KCNQ5: variants seen among roughly 807,000 people sequenced by gnomAD.
KCNQ5 encodes potassium voltage-gated channel subfamily Q member 5, also known as potassium voltage-gated channel subfamily KQT member 5.
In KCNQ5, 30 loss-of-function variants were observed where a neutral mutation model predicts 98.2. The ratio of observed to expected loss-of-function variants is 0.31; its 90% CI spans 0.23 to 0.41. KCNQ5 has a LOEUF of 0.41. Among genes scored for constraint, KCNQ5 ranks in the 10% least tolerant of loss-of-function variants. The pLI, the probability that KCNQ5 is intolerant of heterozygous loss-of-function variation, is 1.00. For missense variants in KCNQ5, 835 were observed against 1,182.5 expected (o/e 0.71, Z 4.31); for synonymous variants, 458 against 449.4 (o/e 1.02, Z -0.24).
rs1388273249 is a variant in KCNQ5 at position 73,120,813 on chromosome 6, A to G, written c.1220+236A>G. Among the ~76,000 whole-genome samples, 9 of 152,338 alleles carry G rather than the reference A, an allele frequency of 5.9e-5. No homozygotes were observed. In the South Asian group the frequency reaches 1.0e-3, roughly 18 times the overall value. On this transcript the variant is annotated intron_variant, in intron 8 of 13. Transcript: ENST00000370398. ...GATTAAAATAATGTAAATTTTATAG[A>G]GATTTATTTTTACTATTTCATGCTT... is the stretch of plus-strand genomic sequence containing the variant.
chr6:72,899,055 C>T (rs1011118026), intron 1 of KCNQ5, among the ~76,000 whole-genome samples: 1 of 151,912 alleles, frequency 6.6e-6, no homozygotes, highest in African/African-American at 2.4e-5. Context: ...TGTTTAAGTT[C>T]CTTATAAATT....
intron 1 of KCNQ5, among the ~76,000 whole-genome samples, chr6:72,866,975 G>C (rs1778013375): frequency 6.6e-6 from 1 of 151,878 alleles, no homozygotes; most frequent in African/African-American, 2.4e-5. Flanking sequence ...TTTCTGTCAA[G>C]CCCTTATGAA....
At chr6:73,063,679 A>AGATG (rs1323083151) in intron 3 of KCNQ5, among the ~76,000 whole-genome samples, 1 of 70,022 alleles carries the variant, frequency 1.4e-5, no homozygotes, top group African/African-American at 4.0e-5. Flanking sequence ...ATAGATAGAT[A>AGATG]GATAGATGAT....
At chr6:73,003,152 G>A (rs115481201) in intron 1 of KCNQ5, among the ~76,000 whole-genome samples, 1 of 151,940 alleles carries the variant, frequency 6.6e-6, no homozygotes, top group Non-Finnish European at 1.5e-5. Flanking sequence ...TGGAAACTCA[G>A]CTCCCGCCTT....
chr6:72,785,029 A>G (rs555680683), intron 1 of KCNQ5, among the ~76,000 whole-genome samples: 1 of 152,378 alleles, frequency 6.6e-6, no homozygotes, highest in South Asian at 2.1e-4. Context: ...AGCCAGAGGC[A>G]GCAACATCAG....
chr6:72,790,887 A>G (rs1208360486), intron 1 of KCNQ5, among the ~76,000 whole-genome samples: 4 of 152,218 alleles, frequency 2.6e-5, no homozygotes, highest in African/African-American at 9.6e-5. Context: ...TGTTTATTCA[A>G]CAAAGGGTTT....
At chr6:73,147,262 C>A (rs1415890960) in intron 10 of KCNQ5, among the ~76,000 whole-genome samples, 3 of 151,910 alleles carry the variant, frequency 2.0e-5, no homozygotes, top group African/African-American at 7.3e-5. Context: ...AGAATAGGTG[C>A]TCAATATATT....
intron 1 of KCNQ5, among the ~76,000 whole-genome samples, chr6:72,885,979 C>T (rs1290512296): frequency 6.6e-6 from 1 of 152,050 alleles, no homozygotes; most frequent in Non-Finnish European, 1.5e-5. Flanking sequence ...TGTGTGTTCC[C>T]CCAAACCTAA....
chr6:73,103,755 CAA>C (rs57430661), intron 5 of KCNQ5, among the ~76,000 whole-genome samples: 33,685 of 151,614 alleles, frequency 0.22, 8,547 homozygotes, highest in African/African-American at 0.61. Context: ...TAATGGACAC[CAA>C]AAAAAAACCA....
At chr6:73,072,906 T>A (rs74814817) in intron 3 of KCNQ5, among the ~76,000 whole-genome samples, 6,923 of 152,178 alleles carry the variant, frequency 0.045, 190 homozygotes, top group East Asian at 0.11. Flanking sequence ...CTTTTTTTTT[T>A]ATTCATGTGA....
chr6:72,735,184 A>G (rs1420384021), intron 1 of KCNQ5, among the ~76,000 whole-genome samples: 2 of 152,228 alleles, frequency 1.3e-5, no homozygotes, highest in East Asian at 1.9e-4. Flanking sequence ...ATGACAATTG[A>G]TTATTATAAC....
intron 1 of KCNQ5, chr6:72,676,999 A>G (rs1476964326): frequency 6.6e-6 from 1 of 152,100 alleles, no homozygotes; most frequent in African/African-American, 2.4e-5. Flanking sequence ...TGTTTCTATA[A>G]CAAGTTTTGA....
At chr6:73,025,623 CAAAAAA>C (rs58607159) in intron 2 of KCNQ5, among the ~76,000 whole-genome samples, 46 of 52,998 alleles carry the variant, frequency 8.7e-4, no homozygotes, top group African/African-American at 1.7e-3. Context: ...AACTCCATCT[CAAAAAA>C]AAAAAAAAAA....
chr6:72,790,271 C>A (rs953519953), intron 1 of KCNQ5, among the ~76,000 whole-genome samples: 1 of 152,076 alleles, frequency 6.6e-6, no homozygotes, highest in Middle Eastern at 3.2e-3. Flanking sequence ...AATGATAAGG[C>A]CACTAAAGCC....
intron 1 of KCNQ5, among the ~76,000 whole-genome samples, chr6:72,623,770 A>G (rs1437866851): frequency 1.3e-5 from 2 of 152,234 alleles, no homozygotes; most frequent in Non-Finnish European, 2.9e-5. Context: ...ACTCGCTGAT[A>G]CATTCCTTGT....
At chr6:72,976,684 A>AACCCT (rs1361843158) in intron 1 of KCNQ5, among the ~76,000 whole-genome samples, 1 of 152,142 alleles carries the variant, frequency 6.6e-6, no homozygotes, top group Non-Finnish European at 1.5e-5. Context: ...ATGACTTGGA[A>AACCCT]ACCCTGCCTG....
chr6:72,930,444 A>G (rs933703363), intron 1 of KCNQ5, among the ~76,000 whole-genome samples: 5 of 152,082 alleles, frequency 3.3e-5, no homozygotes, highest in African/African-American at 1.2e-4. Context: ...TTTCTAAATC[A>G]TGTTGAAAAC....
chr6:72,804,219 G>T (rs1473425077), intron 1 of KCNQ5, among the ~76,000 whole-genome samples: 1 of 151,836 alleles, frequency 6.6e-6, no homozygotes, highest in African/African-American at 2.4e-5. Flanking sequence ...ATAAATTACT[G>T]TTGACTGTAG....
At chr6:72,797,861 A>G (rs994931491) in intron 1 of KCNQ5, among the ~76,000 whole-genome samples, 1 of 152,168 alleles carries the variant, frequency 6.6e-6, no homozygotes, top group African/African-American at 2.4e-5. Flanking sequence ...TGAATTCTTA[A>G]CTAGAATTAT....
Sources: allele counts gnomAD v4.1 joint callset (sites outside exome capture counted in the v4.1 genomes callset), GRCh38; gene constraint gnomAD v4.1.1; transcripts MANE v1.5; gene names NCBI Gene and HGNC (gene_info 2026-07-23, HGNC 2026-07-21).